Variants in SLC1A6 observed in about 807,000 individuals in gnomAD.
The protein encoded by SLC1A6 is solute carrier family 1 member 6.
In SLC1A6, 15 loss-of-function variants were observed where a neutral mutation model predicts 42.1. The observed-to-expected ratio is 0.36, with a 90% CI of 0.24 to 0.55. The LOEUF is 0.55. SLC1A6 is among the 20% of genes least tolerant of loss of function. The pLI, the probability that SLC1A6 is intolerant of heterozygous loss-of-function variation, is 0.88. For synonymous variants in SLC1A6, 317 were observed against 319.7 expected (o/e 0.99, Z 0.09); for missense variants, 542 against 772.5 (o/e 0.70, Z 3.54).
At chr19:14,989,893 G>A (rs1200928062) in intron 1 of SLC1A6, among the ~76,000 whole-genome samples, 2 of 152,034 alleles carry the variant, frequency 1.3e-5, no homozygotes, top group East Asian at 3.9e-4. Flanking sequence ...TGGGGAGGCT[G>A]AAGCAGGAGA....
chr19:14,961,944 C>A, intron 6 of SLC1A6, 58 bp downstream of exon 6: 1 of 1,545,016 alleles, frequency 6.5e-7, no homozygotes, highest in Non-Finnish European at 8.7e-7. Context: ...GCAGCTTCCC[C>A]ACAGCCTGAC....
At chr19:14,971,087 G>A (rs8108794) in intron 3 of SLC1A6, among the ~76,000 whole-genome samples, 57,866 of 151,988 alleles carry the variant, frequency 0.38, 11,377 homozygotes, top group East Asian at 0.58. Flanking sequence ...CCAAGATGGT[G>A]CCACTGCACC....
chr19:15,003,698 C>A (rs2145243369), intron 1 of SLC1A6, among the ~76,000 whole-genome samples: 1 of 144,542 alleles, frequency 6.9e-6, no homozygotes, highest in African/African-American at 2.5e-5. Context: ...AGAAAAAAGG[C>A]TAGAAGTTTT....
At chr19:15,001,197 T>C (rs543439127) in intron 1 of SLC1A6, among the ~76,000 whole-genome samples, 1 of 151,452 alleles carries the variant, frequency 6.6e-6, no homozygotes, top group East Asian at 2.0e-4. Flanking sequence ...TATTCAGTAA[T>C]AACTAAGACA....
At chr19:14,961,193 C>G (rs897826429) in intron 6 of SLC1A6, 1 of 152,110 alleles carries the variant, frequency 6.6e-6, no homozygotes, top group Admixed American at 6.6e-5. Context: ...AGGCATGAGC[C>G]ACCACACCCT....
intron 6 of SLC1A6, among the ~76,000 whole-genome samples, chr19:14,958,208 C>T (rs1044493344): frequency 4.0e-5 from 6 of 151,870 alleles, no homozygotes; most frequent in African/African-American, 4.8e-5. Flanking sequence ...GTCAGGAGTT[C>T]GAGACCAGCC....
intron 1 of SLC1A6, 198 bp from the exon 2 acceptor site, chr19:14,973,115 T>C: frequency 1.7e-6 from 1 of 575,806 alleles, no homozygotes. Context: ...GCCCAGGAGT[T>C]CAAGACTGGC....
intron 8 of SLC1A6, among the ~76,000 whole-genome samples, 179 bp from the exon 9 acceptor site, chr19:14,953,241 C>T (rs2045429641): frequency 6.8e-6 from 1 of 146,930 alleles, no homozygotes; most frequent in Non-Finnish European, 1.5e-5. Flanking sequence ...CGCCTCACCT[C>T]GATCCCCACC....
chr19:14,977,453 A>C (rs1360410003), intron 1 of SLC1A6: 1 of 152,118 alleles, frequency 6.6e-6, no homozygotes, highest in Non-Finnish European at 1.5e-5. Context: ...TGCTGAAAAA[A>C]TTTGCTGACC....
upstream of SLC1A6, among the ~76,000 whole-genome samples, chr19:14,982,791 T>A (rs2045774534): frequency 6.6e-6 from 1 of 152,232 alleles, no homozygotes; most frequent in African/African-American, 2.4e-5. Flanking sequence ...ATATAGGTTA[T>A]AGCTATTGAT....
chr19:15,004,021 TG>T (rs1466501463), intron 1 of SLC1A6, among the ~76,000 whole-genome samples: 1 of 151,874 alleles, frequency 6.6e-6, no homozygotes, highest in Admixed American at 6.6e-5. Flanking sequence ...CTGGGCGTGG[TG>T]GTGGGCCCCT....
intron 6 of SLC1A6, among the ~76,000 whole-genome samples, chr19:14,959,630 C>T (rs1445905974): frequency 6.6e-6 from 1 of 152,202 alleles, no homozygotes; most frequent in African/African-American, 2.4e-5. Flanking sequence ...TGGGATCTGA[C>T]AGCCTTGTTA....
At position 14,992,277 on chromosome 19, in the gene SLC1A6, C is replaced by T. The variant is rs73927899; in HGVS notation, c.6+18208G>A. On this transcript the variant is annotated intron_variant, in intron 1 of 8. Transcript: ENST00000430939. ...ACATTGGAGTATTATTTAGCTTAGT[C>T]GCCGGTTTTTTGGTGCTACCTGATA... Among the ~76,000 whole-genome samples, 1,250 of 152,208 alleles carry T rather than the reference C, an allele frequency of 8.2e-3. 17 individuals carry two copies. The highest frequency in any genetic ancestry group is 0.029 in the African/African-American group (1,185 of 41,534).
intron 3 of SLC1A6, among the ~76,000 whole-genome samples, chr19:14,970,361 T>TGA (rs2145198983): frequency 6.6e-6 from 1 of 152,266 alleles, no homozygotes; most frequent in Non-Finnish European, 1.5e-5. Context: ...ATAAGTCACC[T>TGA]CACCTGGCCT....
At chr19:14,952,891 A>C in intron 9 of SLC1A6, 37 bp downstream of exon 9, 1 of 1,604,746 alleles carries the variant, frequency 6.2e-7, no homozygotes, top group African/African-American at 1.3e-5. Flanking sequence ...TGTGTGCAGA[A>C]GCAGGAGCAC....
chr19:14,990,177 G>A (rs949254688), intron 1 of SLC1A6, among the ~76,000 whole-genome samples: 2 of 151,814 alleles, frequency 1.3e-5, no homozygotes, highest in African/African-American at 4.8e-5. Flanking sequence ...AGCAACCTAA[G>A]TGTCCACCGA....
chr19:14,961,702 C>T (rs533164075), intron 6 of SLC1A6: 21 of 332,838 alleles, frequency 6.3e-5, no homozygotes, highest in Non-Finnish European at 1.0e-4. Flanking sequence ...AGTGAATGAA[C>T]AGATGAACAA....
At chr19:14,990,786 C>CAAAAA (rs60926365) in intron 1 of SLC1A6, among the ~76,000 whole-genome samples, 1 of 124,770 alleles carries the variant, frequency 8.0e-6, no homozygotes, top group Non-Finnish European at 1.7e-5. Context: ...CAAAACAAAA[C>CAAAAA]AAAAAAAAAA....
chr19:14,965,196 T>C (rs1164984513), intron 4 of SLC1A6, among the ~76,000 whole-genome samples: 1 of 151,988 alleles, frequency 6.6e-6, no homozygotes, highest in Non-Finnish European at 1.5e-5. Context: ...ATTTTTTGTA[T>C]TTTTAGTAGA....
Sources: gnomAD v4.1 joint callset for allele counts (sites outside exome capture counted in the v4.1 genomes callset) on GRCh38, gnomAD v4.1.1 for gene constraint, MANE v1.5 for transcripts, NCBI Gene and HGNC (gene_info 2026-07-23, HGNC 2026-07-21) for gene names.